DHCR7: variants seen among roughly 807,000 people sequenced by gnomAD.
DHCR7 encodes 7-DHC reductase.
DHCR7 carries 40 observed loss-of-function variants against 43.3 expected under a neutral mutation model. That is an observed-to-expected ratio of 0.92 (90% CI 0.72 to 1.20). DHCR7 has a LOEUF of 1.20. Ranked by LOEUF, DHCR7 falls within the 50% of genes most tolerant of loss-of-function variation. The probability of loss-of-function intolerance (pLI) is 0.00; values close to 1 mark genes in which losing one functional copy is unlikely to be tolerated. For missense variants in DHCR7, 608 were observed against 644.6 expected, an observed-to-expected ratio of 0.94 and a Z score of 0.62; for synonymous variants, 298 against 271.4, an observed-to-expected ratio of 1.10 and a Z score of -0.96.
chr11:71,428,588 G>A (rs1305458857), exon 3 of DHCR7: 1 of 287,402 alleles, frequency 3.5e-6, no homozygotes, highest in Non-Finnish European at 6.9e-6. Flanking sequence ...GCACATGGCA[G>A]GATATAACTG....
chr11:71,443,223 T>C (rs965047140), intron 4 of DHCR7, among the ~76,000 whole-genome samples: 2 of 152,228 alleles, frequency 1.3e-5, no homozygotes, highest in Non-Finnish European at 2.9e-5. Flanking sequence ...GGTTCCTGCT[T>C]TGTGGCTATT....
At chr11:71,439,939 T>A (rs922855028) in intron 6 of DHCR7, among the ~76,000 whole-genome samples, 1 of 152,160 alleles carries the variant, frequency 6.6e-6, no homozygotes, top group African/African-American at 2.4e-5. Context: ...ACACTGGGGT[T>A]TTTTGGATCC....
Position 71,435,704 on chromosome 11 carries a change from G to A in DHCR7, c.1099C>T (p.Arg367Cys), listed in dbSNP as rs531038145. 7.4e-5 allele frequency: 120 copies of A among 1,613,168 alleles called. No individual in the cohort carries two copies. In the East Asian group the frequency reaches 1.0e-3, roughly 14 times the overall value. The change falls in exon 9 of 9, where the codon CGC becomes TGC. Residue 367 changes from arginine to cysteine, a missense_variant. Arg to Cys is a radical substitution (Grantham distance 180). Coordinates refer to ENST00000355527, the MANE Select transcript of DHCR7 (RefSeq NM_001360.3). ...GGCTTCCTGCCCCAGATGAGGCAGC[G>A]CCCATCCGTGCGGCGGAACAGGTCC... ...QKDLFRRTDG[R>C]CLIWGRKPKV...
At chr11:71,427,444 T>C (rs1949205380), downstream of DHCR7, among the ~76,000 whole-genome samples, 1 of 152,242 alleles carries the variant, frequency 6.6e-6, no homozygotes, top group Admixed American at 6.5e-5. Flanking sequence ...GAAAAATTGA[T>C]ATGTTTACTT....
chr11:71,440,017 T>TGATG (rs143309905), intron 6 of DHCR7, among the ~76,000 whole-genome samples: 1,880 of 152,270 alleles, frequency 0.012, 41 homozygotes, highest in African/African-American at 0.043. Flanking sequence ...CATTGGTTTA[T>TGATG]GATGGATGGA....
Position 71,435,335 on chromosome 11 carries a change from C to A in DHCR7, c.*40G>T. The A allele has an allele frequency of 6.2e-7, 1 of 1,602,808 alleles. No homozygotes were observed. The highest frequency in any genetic ancestry group is 1.1e-5 in the South Asian group (1 of 90,956). ...GCCCCCATGGACCTGGCAGAACACGCTCTTGACAGCCCCACAGGGCTTCTC... is the reference window on the plus strand; with the variant it reads ...GCCCCCATGGACCTGGCAGAACACGATCTTGACAGCCCCACAGGGCTTCTC... On this transcript the variant is annotated 3_prime_UTR_variant, in exon 9 of 9. Coordinates refer to ENST00000355527, the MANE Select transcript of DHCR7 (RefSeq NM_001360.3).
At chr11:71,445,501 TTC>T (rs1949395648) in intron 2 of DHCR7, among the ~76,000 whole-genome samples, 2 of 152,220 alleles carry the variant, frequency 1.3e-5, no homozygotes, top group Admixed American at 1.3e-4. Context: ...GTACTTTATT[TTC>T]TTAGTAACTC....
intron 6 of DHCR7, among the ~76,000 whole-genome samples, chr11:71,440,202 G>A (rs1003895050): frequency 2.0e-5 from 3 of 152,200 alleles, no homozygotes; most frequent in African/African-American, 7.2e-5. Context: ...GGCCTGAGAG[G>A]GTAAGGGAGG....
chr11:71,438,022 C>G, intron 7 of DHCR7, 79 bp from the exon 8 acceptor site: 1 of 1,560,650 alleles, frequency 6.4e-7, no homozygotes. Context: ...ACACTCCACG[C>G]AGATGCAGCA....
In DHCR7 at chr11:71,444,864, C is replaced by T. The variant is rs200334114; in HGVS notation, c.89G>A (p.Gly30Asp). 1 of 1,613,944 alleles carries T rather than the reference C, an allele frequency of 6.2e-7. No individual in the cohort carries two copies. The highest frequency in any genetic ancestry group is 1.1e-5 in the South Asian group (1 of 91,088). ...CAGGCAAGATCCTTACCAGGCACGGCCCCACTGCCCTTGAGATGCGGTTCT... is the reference window on the plus strand; with the variant it reads ...CAGGCAAGATCCTTACCAGGCACGGTCCCACTGCCCTTGAGATGCGGTTCT... Reference protein sequence around the residue: ...NDRTASQGQWGRAWEVDWFSL... With the variant: ...NDRTASQGQWDRAWEVDWFSL... The change falls in exon 3 of 9, where the codon GGC (glycine) becomes GAC (aspartate). Residue 30 changes from glycine (G) to aspartate (D), a missense_variant. Transcript: ENST00000355527.
chr11:71,439,131 C>A (rs1949322979), intron 6 of DHCR7, 48 bp from the exon 7 acceptor site: 1 of 1,554,040 alleles, frequency 6.4e-7, no homozygotes, highest in African/African-American at 1.4e-5. Context: ...GCATATCTCA[C>A]AAGATGAAGC....
intron 5 of DHCR7, 109 bp from the exon 6 acceptor site, chr11:71,441,549 C>T: frequency 1.1e-6 from 1 of 942,842 alleles, no homozygotes; most frequent in Non-Finnish European, 1.7e-6. Context: ...TGGGCCTCTG[C>T]TGCTGCGGAC....
rs1177326550 is a variant in DHCR7, at chr11:71,437,823, A to T, written c.952T>A (p.Tyr318Asn). ...GCCCACCTCCTCACCTGCAGCGTGT[A>T]AAGATAAGGCAGCCAGACACAGTCG... is the stretch of plus-strand genomic sequence containing the variant. Reference protein sequence around the residue: ...WGDCVWLPYLYTLQGLYLVYH... With the variant: ...WGDCVWLPYLNTLQGLYLVYH... Residue 318 changes from tyrosine (Y) to asparagine (N), a missense_variant, in exon 8 of 9, where the codon TAC becomes AAC. By Grantham distance (143) the Tyr-to-Asn change is moderately radical. Coordinates refer to ENST00000355527, the MANE Select transcript of DHCR7 (RefSeq NM_001360.3). The T allele has an allele frequency of 1.2e-6, 2 of 1,613,922 alleles. No homozygotes were observed. Among genetic ancestry groups the T allele is most frequent in the Non-Finnish European group, 1.7e-6 (2 of 1,180,006 alleles).
chr11:71,434,836 T>C lies in DHCR7; in HGVS notation c.*539A>G, dbSNP rs1239067797. ...GACATGAAAGCCCCTTTCTCCCCAG[T>C]GTCCCAGTTCAACACCGTGCACGCT... On this transcript the variant is annotated 3_prime_UTR_variant, in exon 9 of 9. Coordinates refer to ENST00000355527, the MANE Select transcript of DHCR7 (RefSeq NM_001360.3). The C allele has an allele frequency of 6.2e-6, 2 of 321,516 alleles. No homozygotes were observed. The highest frequency in any genetic ancestry group is 1.2e-5 in the Non-Finnish European group (2 of 163,762). The allele number at this position is 321,516 out of a possible 1,614,324, so 19.9% of individuals were successfully genotyped here. A position where few individuals can be genotyped will look rare whatever the true frequency, so the allele number is the denominator to read the frequency against.
At chr11:71,446,260 GAAAAA>G (rs57679336) in intron 2 of DHCR7, among the ~76,000 whole-genome samples, 1 of 65,940 alleles carries the variant, frequency 1.5e-5, no homozygotes, top group Non-Finnish European at 2.7e-5. Context: ...CTTACCAAAT[GAAAAA>G]AAAAAAAAAA....
downstream of DHCR7, among the ~76,000 whole-genome samples, chr11:71,432,185 C>T (rs1487457281): frequency 6.6e-6 from 1 of 152,196 alleles, no homozygotes; most frequent in East Asian, 1.9e-4. Flanking sequence ...ATTCCTCCTC[C>T]CTTGATTTCT....
At chr11:71,435,908 G>A in intron 8 of DHCR7, 69 bp from the exon 9 acceptor site, 1 of 1,295,366 alleles carries the variant, frequency 7.7e-7, no homozygotes, top group Non-Finnish European at 1.1e-6. Context: ...TGGGCTCGGG[G>A]GCCCAGCGGC....
downstream of DHCR7, among the ~76,000 whole-genome samples, chr11:71,430,877 G>A (rs2135937062): frequency 6.6e-6 from 1 of 152,318 alleles, no homozygotes; most frequent in East Asian, 1.9e-4. Context: ...AAACTAGGCT[G>A]GGCACGGTGG....
intron 8 of DHCR7, 166 bp from the exon 9 acceptor site, chr11:71,436,005 T>C (rs1949276565): frequency 3.1e-6 from 2 of 652,928 alleles, no homozygotes; most frequent in African/African-American, 1.8e-5. Context: ...TTGAGGGCTG[T>C]TGTGGTCATT....
Sources: gnomAD v4.1 joint callset for allele counts (sites outside exome capture counted in the v4.1 genomes callset) on GRCh38, gnomAD v4.1.1 for gene constraint, MANE v1.5 for transcripts, NCBI Gene and HGNC (gene_info 2026-07-23, HGNC 2026-07-21) for gene names.